The following GABRB1 variants were observed in gnomAD, a reference collection of about 807,000 sequenced individuals.
The protein encoded by GABRB1 is gamma-aminobutyric acid receptor subunit beta-1.
In GABRB1, 17 loss-of-function variants were observed where a neutral mutation model predicts 51.6. That is an observed-to-expected ratio of 0.33 (90% CI 0.23 to 0.49). GABRB1 has a LOEUF of 0.49. GABRB1 is among the 20% of genes least tolerant of loss of function. The pLI, the probability that GABRB1 is intolerant of heterozygous loss-of-function variation, is 0.99. For synonymous variants in GABRB1, 247 were observed against 218.9 expected, an observed-to-expected ratio of 1.13 and a Z score of -1.14; for missense variants, 410 against 600.6, an observed-to-expected ratio of 0.68 and a Z score of 3.32.
chr4:47,100,771 C>T (rs574519206), intron 3 of GABRB1, among the ~76,000 whole-genome samples: 23 of 151,930 alleles, frequency 1.5e-4, no homozygotes, highest in Non-Finnish European at 2.4e-4. Flanking sequence ...AATACTCACC[C>T]GTGAGAGGTC....
intron 5 of GABRB1, among the ~76,000 whole-genome samples, chr4:47,392,394 G>A (rs988014112): frequency 2.1e-5 from 3 of 143,998 alleles, no homozygotes; most frequent in Non-Finnish European, 4.5e-5. Context: ...GCTGAATGAA[G>A]TGCAATGACA....
intron 3 of GABRB1, among the ~76,000 whole-genome samples, chr4:47,072,959 GCA>G (rs549581745): frequency 3.6e-4 from 55 of 152,210 alleles, no homozygotes; most frequent in African/African-American, 1.3e-3. Context: ...CTGTTGTGCA[GCA>G]CACTTAGAAT....
At chr4:47,190,002 A>G (rs906314249) in intron 4 of GABRB1, among the ~76,000 whole-genome samples, 4 of 152,038 alleles carry the variant, frequency 2.6e-5, no homozygotes, top group African/African-American at 4.8e-5. Context: ...GATTCCAGAA[A>G]GATTTGGAAA....
intron 4 of GABRB1, among the ~76,000 whole-genome samples, chr4:47,177,851 T>G (rs918153462): frequency 1.1e-4 from 16 of 151,872 alleles, no homozygotes; most frequent in Non-Finnish European, 2.2e-4. Context: ...TCTGTTTGTT[T>G]TTTCTCTCAT....
chr4:47,228,750 G>A (rs533507372), intron 4 of GABRB1, among the ~76,000 whole-genome samples: 22 of 152,224 alleles, frequency 1.4e-4, no homozygotes, highest in Admixed American at 1.4e-3. Flanking sequence ...ATGATCTCGA[G>A]CTCTCAGAGT....
At chr4:47,306,811 C>T (rs2109946289) in intron 4 of GABRB1, among the ~76,000 whole-genome samples, 1 of 152,228 alleles carries the variant, frequency 6.6e-6, no homozygotes, top group Non-Finnish European at 1.5e-5. Flanking sequence ...AGACCTATTT[C>T]ATTCATTTTA....
chr4:47,313,525 G>T (rs1724779924), intron 4 of GABRB1, among the ~76,000 whole-genome samples: 2 of 152,108 alleles, frequency 1.3e-5, no homozygotes, highest in South Asian at 4.1e-4. Flanking sequence ...CATTCTTAGA[G>T]ATACTCATTG....
intron 2 of GABRB1, 141 bp from the exon 3 acceptor site, chr4:47,032,276 G>A (rs1725350875): frequency 1.2e-6 from 1 of 833,262 alleles, no homozygotes; most frequent in South Asian, 1.6e-5. Flanking sequence ...TGTTTTCCCA[G>A]GCAGTCCCCT....
intron 4 of GABRB1, among the ~76,000 whole-genome samples, chr4:47,289,633 C>T (rs533200235): frequency 6.6e-6 from 1 of 152,282 alleles, no homozygotes; most frequent in East Asian, 1.9e-4. Flanking sequence ...TTCCAATTAG[C>T]TGATTTAACT....
intron 4 of GABRB1, among the ~76,000 whole-genome samples, chr4:47,176,279 G>T (rs1297919620): frequency 6.6e-6 from 1 of 152,030 alleles, no homozygotes; most frequent in African/African-American, 2.4e-5. Flanking sequence ...GTTAAGGCAA[G>T]CATGATTTAG....
chr4:47,281,368 T>C (rs1229985707), intron 4 of GABRB1, among the ~76,000 whole-genome samples: 1 of 152,186 alleles, frequency 6.6e-6, no homozygotes, highest in Non-Finnish European at 1.5e-5. Flanking sequence ...CTTATTAGAA[T>C]GGCTGTTATA....
intron 3 of GABRB1, among the ~76,000 whole-genome samples, chr4:47,132,537 T>A (rs1450381536): frequency 1.3e-5 from 2 of 152,144 alleles, no homozygotes; most frequent in Non-Finnish European, 2.9e-5. Flanking sequence ...GGCACCTGAG[T>A]CCACTCATTT....
intron 3 of GABRB1, among the ~76,000 whole-genome samples, chr4:47,096,129 G>C (rs567961225): frequency 6.6e-6 from 1 of 152,238 alleles, no homozygotes; most frequent in Admixed American, 6.5e-5. Flanking sequence ...TATCTCCAGT[G>C]ATCTCCTCCT....
intron 5 of GABRB1, among the ~76,000 whole-genome samples, chr4:47,361,274 C>T (rs141113797): frequency 1.7e-4 from 26 of 152,198 alleles, no homozygotes; most frequent in African/African-American, 5.1e-4. Flanking sequence ...TTAAGGAAAG[C>T]GTGCCAACAA....
chr4:47,196,637 A>G (rs1285910654), intron 4 of GABRB1, among the ~76,000 whole-genome samples: 2 of 152,210 alleles, frequency 1.3e-5, no homozygotes, highest in Admixed American at 6.5e-5. Context: ...AAAAGGTGTG[A>G]TGGTGTATAA....
At chr4:46,994,491 A>T (rs1375312652) in intron 1 of GABRB1, 33 of 147,784 alleles carry the variant, frequency 2.2e-4, no homozygotes, top group African/African-American at 5.6e-4. Flanking sequence ...TGTGAGAGAG[A>T]GAGAGAGAGA....
intron 3 of GABRB1, among the ~76,000 whole-genome samples, chr4:47,124,784 C>T (rs1716038050): frequency 6.6e-6 from 1 of 151,816 alleles, no homozygotes; most frequent in South Asian, 2.1e-4. Flanking sequence ...AACTAAAAGA[C>T]AGGTCATGTG....
At chr4:47,115,141 G>T (rs1288219521) in intron 3 of GABRB1, among the ~76,000 whole-genome samples, 1 of 152,068 alleles carries the variant, frequency 6.6e-6, no homozygotes, top group East Asian at 1.9e-4. Context: ...AAGCCTTCAT[G>T]GTTCTCATGA....
At chr4:47,261,407 C>G (rs1406134285) in intron 4 of GABRB1, among the ~76,000 whole-genome samples, 2 of 152,100 alleles carry the variant, frequency 1.3e-5, no homozygotes, top group Non-Finnish European at 2.9e-5. Context: ...AACAGACAAA[C>G]AGAGAGCCAA....
Sources: allele counts gnomAD v4.1 joint callset (sites outside exome capture counted in the v4.1 genomes callset), GRCh38; gene constraint gnomAD v4.1.1; transcripts MANE v1.5; gene names NCBI Gene and HGNC (gene_info 2026-07-23, HGNC 2026-07-21).